Variants in CSNK2A2IP observed in about 807,000 individuals in gnomAD.
CSNK2A2IP encodes the protein casein kinase 2 subunit alpha' interacting protein.
At chr3:88,466,595 C>A in the CSNK2A2IP span, 4 of 1,231,594 alleles carry the variant, frequency 3.2e-6, no homozygotes, top group Non-Finnish European at 4.0e-6. Context: ...ATTCCTTGGA[C>A]TTTAAAGTAT....
At chr3:88,414,793 C>T in the CSNK2A2IP span, among the ~76,000 whole-genome samples, 3 of 151,616 alleles carry the variant, frequency 2.0e-5, no homozygotes, top group East Asian at 5.8e-4. Flanking sequence ...TTAATCAAAT[C>T]GAAATGACTA....
the CSNK2A2IP span, among the ~76,000 whole-genome samples, chr3:88,430,600 C>T: frequency 0.089 from 13,577 of 151,876 alleles, 955 homozygotes; most frequent in Admixed American, 0.24. Context: ...ATGTAAGCGA[C>T]CTGGAGACCA....
At chr3:88,449,722 T>C in the CSNK2A2IP span, among the ~76,000 whole-genome samples, 3 of 143,030 alleles carry the variant, frequency 2.1e-5, no homozygotes, top group Non-Finnish European at 4.6e-5. Flanking sequence ...CTCCACACTT[T>C]CCTCAATGAT....
the CSNK2A2IP span, chr3:88,467,544 A>AT: frequency 2.5e-6 from 1 of 398,342 alleles, no homozygotes. Flanking sequence ...CACTGTTCAA[A>AT]TTTTTCCGGA....
the CSNK2A2IP span, among the ~76,000 whole-genome samples, chr3:88,437,939 G>C: frequency 0.083 from 12,692 of 152,064 alleles, 932 homozygotes; most frequent in Admixed American, 0.24. Flanking sequence ...TATTATCCTA[G>C]ATTACGAAGT....
At chr3:88,351,028 T>C in the CSNK2A2IP span, among the ~76,000 whole-genome samples, 1 of 152,126 alleles carries the variant, frequency 6.6e-6, no homozygotes, top group Non-Finnish European at 1.5e-5. Context: ...CAACACAGAA[T>C]TCTGGATTCT....
the CSNK2A2IP span, among the ~76,000 whole-genome samples, chr3:88,402,884 A>T: frequency 2.0e-5 from 3 of 152,080 alleles, no homozygotes; most frequent in Admixed American, 6.6e-5. Flanking sequence ...TCTCACAATT[A>T]TCTAAAGAAA....
At chr3:88,406,341 T>G in the CSNK2A2IP span, among the ~76,000 whole-genome samples, 1 of 152,330 alleles carries the variant, frequency 6.6e-6, no homozygotes, top group African/African-American at 2.4e-5. Context: ...ACCTTTAGAA[T>G]TCAATGAGTA....
At chr3:88,361,078 T>C in the CSNK2A2IP span, among the ~76,000 whole-genome samples, 1 of 152,216 alleles carries the variant, frequency 6.6e-6, no homozygotes, top group African/African-American at 2.4e-5. Context: ...AATATAATTG[T>C]CGTAGTTATT....
At chr3:88,404,570 CT>C in the CSNK2A2IP span, among the ~76,000 whole-genome samples, 4 of 152,038 alleles carry the variant, frequency 2.6e-5, no homozygotes, top group East Asian at 7.7e-4. Flanking sequence ...AAGCCTCAGT[CT>C]TTCCTTTTCC....
the CSNK2A2IP span, among the ~76,000 whole-genome samples, chr3:88,438,583 C>T: frequency 0.039 from 5,878 of 152,180 alleles, 355 homozygotes; most frequent in African/African-American, 0.13. Flanking sequence ...CTTATACCTA[C>T]GATGAAGGAA....
the CSNK2A2IP span, among the ~76,000 whole-genome samples, chr3:88,364,391 T>A: frequency 6.6e-6 from 1 of 152,066 alleles, no homozygotes; most frequent in Non-Finnish European, 1.5e-5. Flanking sequence ...TTTAAAAATA[T>A]TGCATGGGGG....
At chr3:88,420,398 T>C in the CSNK2A2IP span, among the ~76,000 whole-genome samples, 1 of 152,168 alleles carries the variant, frequency 6.6e-6, no homozygotes. Flanking sequence ...TAGTACTTTG[T>C]TGTCATGTGA....
chr3:88,343,228 T>A, the CSNK2A2IP span: 2 of 152,368 alleles, frequency 1.3e-5, 1 homozygote, highest in East Asian at 3.9e-4. Context: ...TGTGTCCCTG[T>A]CTCAGAGTCG....
At chr3:88,458,187 G>A in the CSNK2A2IP span, among the ~76,000 whole-genome samples, 1 of 104,666 alleles carries the variant, frequency 9.6e-6, no homozygotes, top group East Asian at 3.2e-4. Flanking sequence ...GTCTTGCTCT[G>A]TCACCCAGGC....
At chr3:88,382,386 G>A in the CSNK2A2IP span, among the ~76,000 whole-genome samples, 1 of 152,180 alleles carries the variant, frequency 6.6e-6, no homozygotes, top group Non-Finnish European at 1.5e-5. Context: ...GGGAGGGCTA[G>A]GCAGAAGCTG....
the CSNK2A2IP span, among the ~76,000 whole-genome samples, chr3:88,421,337 C>T: frequency 6.6e-6 from 1 of 152,174 alleles, no homozygotes; most frequent in South Asian, 2.1e-4. Context: ...CACAAGGCAG[C>T]ACTGCCTCCC....
At chr3:88,415,592 A>G in the CSNK2A2IP span, among the ~76,000 whole-genome samples, 1 of 151,430 alleles carries the variant, frequency 6.6e-6, no homozygotes, top group East Asian at 2.0e-4. Context: ...TGAAACTATA[A>G]GAGTGGGGAG....
chr3:88,396,652 C>T, the CSNK2A2IP span, among the ~76,000 whole-genome samples: 2 of 152,240 alleles, frequency 1.3e-5, no homozygotes, highest in East Asian at 1.9e-4. Context: ...CGAGGAGAAG[C>T]GCAATGTTAG....
Sources: gnomAD v4.1 joint callset for allele counts (sites outside exome capture counted in the v4.1 genomes callset) on GRCh38, gnomAD v4.1.1 for gene constraint, MANE v1.5 for transcripts, NCBI Gene and HGNC (gene_info 2026-07-23, HGNC 2026-07-21) for gene names.